CECR2: variants seen among roughly 807,000 people sequenced by gnomAD.
CECR2 encodes chromatin remodeling regulator CECR2.
Under a neutral mutation model 154.5 loss-of-function variants are expected in CECR2, and 30 were observed. The ratio of observed to expected loss-of-function variants is 0.19; its 90% CI spans 0.15 to 0.26. CECR2 has a LOEUF of 0.26. CECR2 is among the 10% of genes least tolerant of loss of function. CECR2 has a pLI of 1.00. For synonymous variants in CECR2, 725 were observed against 683.7 expected, an observed-to-expected ratio of 1.06 and a Z score of -0.94; for missense variants, 1,743 against 1,829.3, an observed-to-expected ratio of 0.95 and a Z score of 0.86.
At chr22:17,485,918 A>G (rs145271349) in intron 2 of CECR2, among the ~76,000 whole-genome samples, 4 of 152,392 alleles carry the variant, frequency 2.6e-5, no homozygotes, top group Non-Finnish European at 5.9e-5. Flanking sequence ...TGCAGTATCT[A>G]TATGATTTCA....
At chr22:17,387,882 T>G (rs2063283440) in intron 1 of CECR2, among the ~76,000 whole-genome samples, 1 of 152,082 alleles carries the variant, frequency 6.6e-6, no homozygotes, top group African/African-American at 2.4e-5. Context: ...AGGATTAGTG[T>G]TTTTAATCAT....
rs1315112283 is a variant in CECR2, at chr22:17,500,230, ATTT to A, written c.546-400_546-398del. 1.2e-3 allele frequency among the ~76,000 whole-genome samples: 173 copies of A among 148,980 alleles called. 3 individuals are homozygous for A. Among genetic ancestry groups the A allele is most frequent in the African/African-American group, 4.0e-3 (164 of 40,594 alleles). On this transcript the variant is annotated intron_variant, in intron 4 of 18. Transcript: ENST00000262608. ...CATCAAAAAAAAAAAAAAAAAAAGA[ATTT>A]AATGATGTAGTTTATGAACGTTAGT...
chr22:17,390,700 C>T (rs1485992512), intron 1 of CECR2, among the ~76,000 whole-genome samples: 1 of 152,102 alleles, frequency 6.6e-6, no homozygotes, highest in Non-Finnish European at 1.5e-5. Flanking sequence ...TGCAGTGGCA[C>T]CATCATAGCT....
rs185917598 is a variant in CECR2, at chr22:17,499,386, A to G, written c.406-24A>G. The G allele has an allele frequency of 2.9e-4, 462 of 1,591,404 alleles. No individual in the cohort carries two copies. The African/African-American group carries it at 5.6e-3, about 19-fold the overall frequency. On this transcript the variant is annotated intron_variant, in intron 3 of 18. Coordinates refer to ENST00000262608, the MANE Select transcript of CECR2 (RefSeq NM_001290047.2). ...TGCGTTTTGTTCCCCATTTCCCCAA[A>G]CCCCTTTTCCGTGCTCTGTGTAGGG...
intron 2 of CECR2, among the ~76,000 whole-genome samples, chr22:17,489,484 C>T (rs1368074978): frequency 6.6e-6 from 1 of 151,780 alleles, no homozygotes; most frequent in African/African-American, 2.4e-5. Context: ...AGACAGGGTT[C>T]CCACTCTGTT....
In CECR2 at chr22:17,540,752, C is replaced by T. The variant is rs886207224; in HGVS notation, c.1836C>T (p.Pro612=). 1 of 1,606,448 alleles carries T rather than the reference C, an allele frequency of 6.2e-7. No homozygotes were observed. The highest frequency in any genetic ancestry group is 8.5e-7 in the Non-Finnish European group (1 of 1,176,234). ...GTSNGRGFSH[P]LHCGGTPSQA... The stretch of plus-strand genomic sequence containing the variant: ...CCAATGGCCGAGGTTTTTCTCATCC[C>T]CTGCATTGTGGTGGGACACCCAGCC... The change falls in exon 14 of 19, where the codon CCC becomes CCT. Residue 612 remains proline (P), a synonymous_variant. Transcript: ENST00000262608.
intron 1 of CECR2, among the ~76,000 whole-genome samples, chr22:17,393,851 A>G (rs1039363943): frequency 6.9e-6 from 1 of 144,294 alleles, no homozygotes; most frequent in Non-Finnish European, 1.5e-5. Context: ...GGCTGTTTGT[A>G]TTTTCATTAT....
At chr22:17,547,452 A>G (rs939155847) in intron 16 of CECR2, among the ~76,000 whole-genome samples, 1 of 152,026 alleles carries the variant, frequency 6.6e-6, no homozygotes, top group African/African-American at 2.4e-5. Context: ...GGATGGTCTC[A>G]ATCTCCTGAC....
chr22:17,429,539 C>CAAAAAAAAAAAAAAAAAAAAAAAAAAAAA (rs531842006), intron 1 of CECR2, among the ~76,000 whole-genome samples: 1 of 121,012 alleles, frequency 8.3e-6, no homozygotes. Context: ...CCATCTCTAC[C>CAAAAAAAAAAAAAAAAAAAAAAAAAAAAA]AAAAACAAAA....
chr22:17,530,362 GA>G (rs1055513068), intron 9 of CECR2, among the ~76,000 whole-genome samples: 5 of 151,814 alleles, frequency 3.3e-5, no homozygotes, highest in Admixed American at 6.6e-5. Context: ...AACTTGAAAG[GA>G]GGAAAGTGGA....
At chr22:17,433,336 A>G (rs903411518) in intron 1 of CECR2, among the ~76,000 whole-genome samples, 16 of 152,192 alleles carry the variant, frequency 1.1e-4, no homozygotes, top group African/African-American at 3.9e-4. Flanking sequence ...AAGGTATTTT[A>G]AAGGTTGTCA....
chr22:17,500,556 G>A, intron 4 of CECR2, 75 bp from the exon 5 acceptor site: 1 of 1,127,704 alleles, frequency 8.9e-7, no homozygotes, highest in Non-Finnish European at 1.3e-6. Flanking sequence ...CTCATGGCCA[G>A]AAATACTGTT....
chr22:17,490,139 T>G (rs989169877), intron 2 of CECR2, among the ~76,000 whole-genome samples: 1 of 147,020 alleles, frequency 6.8e-6, no homozygotes, highest in Non-Finnish European at 1.5e-5. Flanking sequence ...TTCCTTACTG[T>G]TTTTTTTTTG....
chr22:17,501,778 C>A (rs1029494802), intron 5 of CECR2, among the ~76,000 whole-genome samples: 1 of 152,144 alleles, frequency 6.6e-6, no homozygotes, highest in Non-Finnish European at 1.5e-5. Context: ...CTGCATGATA[C>A]CTGTCTCCGT....
chr22:17,547,038 C>CAAAAA (rs1167599171), intron 16 of CECR2, among the ~76,000 whole-genome samples: 1 of 53,812 alleles, frequency 1.9e-5, no homozygotes, highest in African/African-American at 6.4e-5. Context: ...GACTCTGCCT[C>CAAAAA]AAAAAAAAAA....
intron 4 of CECR2, among the ~76,000 whole-genome samples, chr22:17,500,208 CAAAAAA>C (rs5844315): frequency 2.6e-5 from 3 of 116,000 alleles, no homozygotes; most frequent in Non-Finnish European, 3.6e-5. Context: ...GAGACTCCAT[CAAAAAA>C]AAAAAAAAAA....
intron 4 of CECR2, 29 bp downstream of exon 4, chr22:17,499,578 G>A: frequency 6.4e-7 from 1 of 1,569,194 alleles, no homozygotes; most frequent in Non-Finnish European, 8.6e-7. Context: ...GGGCATGATA[G>A]CTACTGTATT....
chr22:17,521,866 A>G (rs1284250104), intron 8 of CECR2, among the ~76,000 whole-genome samples: 1 of 152,160 alleles, frequency 6.6e-6, no homozygotes, highest in Non-Finnish European at 1.5e-5. Flanking sequence ...GTTTTCTTCT[A>G]GGGTTTTTAT....
chr22:17,502,764 T>C (rs1278355246), intron 5 of CECR2, among the ~76,000 whole-genome samples: 3 of 152,134 alleles, frequency 2.0e-5, no homozygotes, highest in African/African-American at 4.8e-5. Flanking sequence ...AATCGCGCCA[T>C]TGCACTCCAG....
Sources: allele counts gnomAD v4.1 joint callset (sites outside exome capture counted in the v4.1 genomes callset), GRCh38; gene constraint gnomAD v4.1.1; transcripts MANE v1.5; gene names NCBI Gene and HGNC (gene_info 2026-07-23, HGNC 2026-07-21).